The following ECHDC1 variants were observed in gnomAD, a reference collection of about 807,000 sequenced individuals.
The protein encoded by ECHDC1 is ethylmalonyl-CoA decarboxylase 1.
In ECHDC1, 29 loss-of-function variants were observed where a neutral mutation model predicts 29.7. The ratio of observed to expected loss-of-function variants is 0.98; its 90% CI spans 0.73 to 1.33. The LOEUF (loss-of-function observed/expected upper bound fraction) is 1.33, where lower values mean the gene tolerates loss of function less well. Among genes scored for constraint, ECHDC1 ranks in the 40% most tolerant of loss-of-function variants. ECHDC1 has a pLI of 0.00. For synonymous variants in ECHDC1, 126 were observed against 123.1 expected, an observed-to-expected ratio of 1.02 and a Z score of -0.15; for missense variants, 328 against 350.0, an observed-to-expected ratio of 0.94 and a Z score of 0.50.
intron 5 of ECHDC1, 67 bp downstream of exon 5, chr6:127,314,749 A>T: frequency 1.6e-6 from 2 of 1,260,178 alleles, no homozygotes; most frequent in Non-Finnish European, 2.3e-6. Flanking sequence ...TATTGATATT[A>T]AGGCAAAAAT....
chr6:127,325,048 A>G (rs1299620309), intron 3 of ECHDC1, among the ~76,000 whole-genome samples: 2 of 152,184 alleles, frequency 1.3e-5, no homozygotes, highest in Non-Finnish European at 2.9e-5. Flanking sequence ...CCAGGCAAAC[A>G]CTATCTTCGC....
At chr6:127,327,487 A>C (rs971568784) in intron 2 of ECHDC1, among the ~76,000 whole-genome samples, 1 of 152,200 alleles carries the variant, frequency 6.6e-6, no homozygotes, top group African/African-American at 2.4e-5. Flanking sequence ...CTTAGGGTAA[A>C]GATAAGACAT....
At chr6:127,295,987 A>G (rs911959443) in intron 5 of ECHDC1, among the ~76,000 whole-genome samples, 2 of 152,230 alleles carry the variant, frequency 1.3e-5, no homozygotes, top group Admixed American at 6.5e-5. Context: ...AAAAGATGAA[A>G]TAAGATCCAT....
chr6:127,311,689 A>AG (rs1781931465), intron 5 of ECHDC1, among the ~76,000 whole-genome samples: 1 of 108,396 alleles, frequency 9.2e-6, no homozygotes, highest in Non-Finnish European at 1.9e-5. Context: ...AAAAAAAAAA[A>AG]AAAAAAAAAG....
At chr6:127,300,544 A>G (rs776526692) in intron 5 of ECHDC1, among the ~76,000 whole-genome samples, 3 of 152,242 alleles carry the variant, frequency 2.0e-5, no homozygotes, top group Non-Finnish European at 4.4e-5. Flanking sequence ...AGAGAGATTC[A>G]AAGTATGAGA....
At chr6:127,330,735 A>G in intron 2 of ECHDC1, 74 bp downstream of exon 2, 1 of 1,304,014 alleles carries the variant, frequency 7.7e-7, no homozygotes, top group Non-Finnish European at 1.1e-6. Context: ...CTGTCACCAC[A>G]GCAAGGATAA....
intron 5 of ECHDC1, among the ~76,000 whole-genome samples, chr6:127,304,463 A>C (rs1030873332): frequency 1.3e-5 from 2 of 152,190 alleles, no homozygotes; most frequent in African/African-American, 4.8e-5. Context: ...AGATTATAAT[A>C]AATACCTAAT....
At chr6:127,315,199 T>A (rs1299734367) in intron 4 of ECHDC1, 1 of 512,810 alleles carries the variant, frequency 2.0e-6, no homozygotes, top group African/African-American at 1.9e-5. Context: ...AATAAATGGA[T>A]GCTTTTGTCT....
chr6:127,302,100 T>C (rs1361548045), intron 5 of ECHDC1, among the ~76,000 whole-genome samples: 1 of 152,302 alleles, frequency 6.6e-6, no homozygotes, highest in East Asian at 1.9e-4. Context: ...TAGGATGCAT[T>C]ACATTTTCTT....
At chr6:127,311,234 A>T (rs1781875471) in intron 5 of ECHDC1, among the ~76,000 whole-genome samples, 1 of 152,188 alleles carries the variant, frequency 6.6e-6, no homozygotes, top group Non-Finnish European at 1.5e-5. Flanking sequence ...TATGGAACAA[A>T]CACTCCAATT....
intron 4 of ECHDC1, chr6:127,316,248 C>T (rs1782362518): frequency 2.0e-6 from 1 of 511,508 alleles, no homozygotes; most frequent in Non-Finnish European, 3.5e-6. Context: ...TTTCATTTCT[C>T]TTATTTTTAA....
intron 4 of ECHDC1, chr6:127,315,515 C>G (rs1379932339): frequency 4.6e-6 from 1 of 219,152 alleles, no homozygotes; most frequent in Non-Finnish European, 9.3e-6. Flanking sequence ...TGTGTGAATA[C>G]AAGGTAAATC....
At chr6:127,307,070 C>T (rs1449828061) in intron 5 of ECHDC1, among the ~76,000 whole-genome samples, 1 of 151,970 alleles carries the variant, frequency 6.6e-6, no homozygotes, top group Non-Finnish European at 1.5e-5. Context: ...CCTGAATGGC[C>T]AATGGGTCAA....
intron 5 of ECHDC1, among the ~76,000 whole-genome samples, chr6:127,309,043 A>G (rs1781666518): frequency 6.6e-6 from 1 of 152,212 alleles, no homozygotes; most frequent in South Asian, 2.1e-4. Flanking sequence ...AGCAATCTAG[A>G]TATTCAGTGT....
At chr6:127,299,023 G>A (rs1454876796) in intron 5 of ECHDC1, among the ~76,000 whole-genome samples, 2 of 146,820 alleles carry the variant, frequency 1.4e-5, no homozygotes, top group Non-Finnish European at 3.0e-5. Context: ...CTACAGGCGT[G>A]TGCCACCATG....
At chr6:127,318,909 A>C (rs1782612516) in intron 3 of ECHDC1, among the ~76,000 whole-genome samples, 1 of 152,260 alleles carries the variant, frequency 6.6e-6, no homozygotes, top group Admixed American at 6.5e-5. Context: ...GAAAATTAAC[A>C]CAGGCACGAG....
chr6:127,324,629 T>C (rs1371243488), intron 3 of ECHDC1, among the ~76,000 whole-genome samples: 2 of 152,116 alleles, frequency 1.3e-5, no homozygotes, highest in African/African-American at 2.4e-5. Flanking sequence ...TCACCGATTA[T>C]ATAATTGGAG....
chr6:127,315,468 T>C (rs1782284617), intron 4 of ECHDC1: 2 of 234,114 alleles, frequency 8.5e-6, no homozygotes, highest in Admixed American at 1.0e-4. Flanking sequence ...AATAAATCTT[T>C]TACCTTTCCT....
At chr6:127,293,791 C>T (rs200827705) in intron 5 of ECHDC1, among the ~76,000 whole-genome samples, 4 of 152,044 alleles carry the variant, frequency 2.6e-5, no homozygotes, top group African/African-American at 4.8e-5. Context: ...TTGATAGGTC[C>T]GTAAAAATAA....
Sources: allele counts gnomAD v4.1 joint callset (sites outside exome capture counted in the v4.1 genomes callset), GRCh38; gene constraint gnomAD v4.1.1; transcripts MANE v1.5; gene names NCBI Gene and HGNC (gene_info 2026-07-23, HGNC 2026-07-21).